Variants in MKLN1 observed in about 807,000 individuals in gnomAD.
The protein encoded by MKLN1 is muskelin 1.
Under a neutral mutation model 99.0 loss-of-function variants are expected in MKLN1, and 18 were observed. The observed-to-expected ratio is 0.18, with a 90% CI of 0.13 to 0.27. The LOEUF (loss-of-function observed/expected upper bound fraction) is 0.27, where lower values mean the gene tolerates loss of function less well. Ranked by LOEUF, MKLN1 falls within the 10% of genes least tolerant of loss-of-function variation. MKLN1 has a pLI of 1.00. For missense variants in MKLN1, 621 were observed against 875.9 expected (o/e 0.71, Z 3.67); for synonymous variants, 288 against 293.2 (o/e 0.98, Z 0.18).
rs1798388587 is a variant in MKLN1, at chr7:131,302,381, A to AC, written c.-178-73042dup. Among the ~76,000 whole-genome samples the AC allele has an allele frequency of 3.3e-5, 5 of 152,190 alleles. No homozygotes were observed. In the South Asian group the frequency reaches 1.0e-3, roughly 32 times the overall value. ...CGTCTCCTTCACAAAGACCAGGCTG[A>AC]CGATCTGACTTGTGGTGATGGGAGA... On this transcript the variant is annotated intron_variant, in intron 3 of 7. Transcript: ENST00000416992.
intron 1 of MKLN1, among the ~76,000 whole-genome samples, chr7:131,348,343 A>G (rs1403348584): frequency 1.3e-5 from 2 of 152,226 alleles, no homozygotes; most frequent in Non-Finnish European, 2.9e-5. Context: ...AACTACAGCC[A>G]TTAATCAAGG....
chr7:131,247,374 C>T (rs1274174730), intron 3 of MKLN1, among the ~76,000 whole-genome samples: 2 of 151,922 alleles, frequency 1.3e-5, no homozygotes, highest in Non-Finnish European at 2.9e-5. Flanking sequence ...CACCACCACG[C>T]CCAGCTAATT....
At chr7:131,475,802 A>G (rs988533853) in intron 16 of MKLN1, among the ~76,000 whole-genome samples, 1 of 152,174 alleles carries the variant, frequency 6.6e-6, no homozygotes, top group African/African-American at 2.4e-5. Context: ...ACAGAGTGGG[A>G]TCCTATCTCA....
chr7:131,485,289 G>T (rs984295656), intron 17 of MKLN1, among the ~76,000 whole-genome samples: 4 of 152,054 alleles, frequency 2.6e-5, no homozygotes, highest in Non-Finnish European at 5.9e-5. Context: ...AAGAATCCCT[G>T]AGTACACAGT....
intron 9 of MKLN1, among the ~76,000 whole-genome samples, chr7:131,431,350 C>T (rs1362918803): frequency 1.3e-5 from 2 of 152,196 alleles, no homozygotes; most frequent in African/African-American, 4.8e-5. Flanking sequence ...CTGTTTATTA[C>T]ATTACAAGCA....
Position 131,320,377 on chromosome 7 carries a change from T to C in MKLN1, c.-178-55047T>C, listed in dbSNP as rs200681634. Among the ~76,000 whole-genome samples the C allele has an allele frequency of 3.3e-5, 5 of 152,348 alleles. No homozygotes were observed. The East Asian group carries it at 5.8e-4, about 18-fold the overall frequency. ...GTGCTGGGAAAACTAGCTAGCCATA[T>C]GCAGAAAACAGAAACTGGACCCCCT... is the stretch of plus-strand genomic sequence containing the variant. On this transcript the variant is annotated intron_variant, in intron 3 of 7. Coordinates refer to the MKLN1 transcript ENST00000416992.
intron 3 of MKLN1, among the ~76,000 whole-genome samples, chr7:131,298,738 C>T (rs189885133): frequency 1.3e-5 from 2 of 152,302 alleles, no homozygotes; most frequent in Admixed American, 6.5e-5. Context: ...TTGTTGCCCT[C>T]ATGTTGCAGG....
intron 3 of MKLN1, among the ~76,000 whole-genome samples, chr7:131,318,207 G>A (rs574209071): frequency 6.6e-6 from 1 of 152,202 alleles, no homozygotes; most frequent in Admixed American, 6.5e-5. Flanking sequence ...CACATAATAG[G>A]AAGTAAAACA....
intron 2 of MKLN1, among the ~76,000 whole-genome samples, chr7:131,164,555 A>AT (rs762597046): frequency 7.9e-5 from 12 of 152,024 alleles, no homozygotes; most frequent in Admixed American, 3.9e-4. Flanking sequence ...TATATGTGCC[A>AT]TTTTTTTTGT....
intron 17 of MKLN1, among the ~76,000 whole-genome samples, chr7:131,481,468 G>A (rs867192482): frequency 6.6e-6 from 1 of 152,230 alleles, no homozygotes; most frequent in East Asian, 1.9e-4. Context: ...TTTGGAGGCC[G>A]AGGTGAGATG....
chr7:131,361,003 T>C (rs143096127), intron 1 of MKLN1, among the ~76,000 whole-genome samples: 45 of 152,270 alleles, frequency 3.0e-4, no homozygotes, highest in African/African-American at 1.0e-3. Context: ...TAGTTTCTGA[T>C]GAGAAATCCA....
intron 6 of MKLN1, among the ~76,000 whole-genome samples, chr7:131,406,278 A>G (rs1441241606): frequency 6.6e-6 from 1 of 151,778 alleles, no homozygotes; most frequent in Non-Finnish European, 1.5e-5. Flanking sequence ...TATCTCCTAT[A>G]AATTTTATTT....
chr7:131,177,180 A>G (rs1384983708), intron 2 of MKLN1, among the ~76,000 whole-genome samples: 5 of 152,186 alleles, frequency 3.3e-5, no homozygotes, highest in African/African-American at 1.2e-4. Context: ...ACACATATAA[A>G]AAGATTGGGC....
At chr7:131,363,788 C>G (rs373043032) in intron 1 of MKLN1, among the ~76,000 whole-genome samples, 5 of 149,646 alleles carry the variant, frequency 3.3e-5, no homozygotes, top group African/African-American at 9.8e-5. Context: ...TGCCGTGTCA[C>G]CACCCCGTTT....
chr7:131,461,304 C>T (rs1200615457), intron 12 of MKLN1, among the ~76,000 whole-genome samples: 2 of 149,874 alleles, frequency 1.3e-5, no homozygotes, highest in African/African-American at 4.9e-5. Context: ...AATCCTTGAA[C>T]ATAGAACCCA....
At chr7:131,325,457 A>G (rs56287408), upstream of MKLN1, among the ~76,000 whole-genome samples, 3,390 of 152,228 alleles carry the variant, frequency 0.022, 146 homozygotes, top group African/African-American at 0.077. Flanking sequence ...TTGGGAGGCC[A>G]GGCCGAGGCA....
intron 16 of MKLN1, 99 bp downstream of exon 16, chr7:131,471,043 G>C (rs561726931): frequency 7.9e-6 from 6 of 756,740 alleles, no homozygotes; most frequent in Non-Finnish European, 1.3e-5. Context: ...AAAGGAAAAC[G>C]AAGAAAATAT....
intron 9 of MKLN1, among the ~76,000 whole-genome samples, chr7:131,432,788 T>A (rs1795562655): frequency 6.6e-6 from 1 of 152,192 alleles, no homozygotes; most frequent in Non-Finnish European, 1.5e-5. Flanking sequence ...CTCTTTAATG[T>A]TTGGCTCAAT....
intron 2 of MKLN1, among the ~76,000 whole-genome samples, chr7:131,200,582 G>T (rs1276543600): frequency 1.3e-5 from 2 of 152,136 alleles, no homozygotes; most frequent in Non-Finnish European, 2.9e-5. Context: ...GAGAAAATAT[G>T]GGTCAAATAG....
Sources: gnomAD v4.1 joint callset for allele counts (sites outside exome capture counted in the v4.1 genomes callset) on GRCh38, gnomAD v4.1.1 for gene constraint, MANE v1.5 for transcripts, NCBI Gene and HGNC (gene_info 2026-07-23, HGNC 2026-07-21) for gene names.